BCO1: variants seen among roughly 807,000 people sequenced by gnomAD.
BCO1 encodes the protein beta,beta-carotene 15,15'-dioxygenase.
Under a neutral mutation model 56.3 loss-of-function variants are expected in BCO1, and 54 were observed. That is an observed-to-expected ratio of 0.96 (90% CI 0.77 to 1.20). The LOEUF is 1.20. Among genes scored for constraint, BCO1 ranks in the 50% most tolerant of loss-of-function variants. The pLI is 0.00. For synonymous variants in BCO1, 318 were observed against 266.1 expected (o/e 1.20, Z -1.90); for missense variants, 801 against 690.9 (o/e 1.16, Z -1.79).
chr16:81,270,451 G>A (rs1391163761), intron 7 of BCO1, 35 bp downstream of exon 7: 2 of 1,612,810 alleles, frequency 1.2e-6, no homozygotes, highest in South Asian at 2.2e-5. Flanking sequence ...TTTCTTTCTA[G>A]AGAGATATCG....
intron 1 of BCO1, among the ~76,000 whole-genome samples, chr16:81,241,657 A>T (rs1306378139): frequency 6.6e-6 from 1 of 152,156 alleles, no homozygotes; most frequent in Admixed American, 6.6e-5. Flanking sequence ...CCTCTACATC[A>T]AGCCTCCCTA....
chr16:81,280,759 C>T (rs1907831658), intron 7 of BCO1, 98 bp from the exon 8 acceptor site: 1 of 833,130 alleles, frequency 1.2e-6, no homozygotes, highest in South Asian at 1.4e-5. Context: ...GCCAAGATGA[C>T]ATGTATTCAA....
At chr16:81,272,362 C>T (rs1485255534) in intron 7 of BCO1, among the ~76,000 whole-genome samples, 2 of 152,064 alleles carry the variant, frequency 1.3e-5, no homozygotes, top group Non-Finnish European at 2.9e-5. Context: ...TCATGATCCG[C>T]CCGCCTTGGC....
intron 8 of BCO1, among the ~76,000 whole-genome samples, chr16:81,284,220 A>T (rs1179760886): frequency 7.3e-6 from 1 of 137,706 alleles, no homozygotes. Flanking sequence ...CAAACTATAT[A>T]TATATATATT....
At chr16:81,284,985 C>T (rs910423807) in intron 8 of BCO1, among the ~76,000 whole-genome samples, 13 of 151,610 alleles carry the variant, frequency 8.6e-5, no homozygotes, top group East Asian at 2.0e-4. Context: ...TACAGGCATG[C>T]GGCACCATGC....
At chr16:81,270,692 C>CTGTGTCTGTGTG (rs1907146417) in intron 7 of BCO1, among the ~76,000 whole-genome samples, 2 of 143,788 alleles carry the variant, frequency 1.4e-5, no homozygotes, top group Middle Eastern at 3.4e-3. Context: ...CTCTCTGTGT[C>CTGTGTCTGTGTG]TGTGTGTGTG....
intron 7 of BCO1, among the ~76,000 whole-genome samples, chr16:81,280,346 CA>C: frequency 7.0e-6 from 1 of 142,866 alleles, no homozygotes; most frequent in Non-Finnish European, 1.5e-5. Context: ...CACACACACA[CA>C]CACATTTAGT....
In BCO1 at chr16:81,264,722, G is replaced by T. The variant is rs1248403052; in HGVS notation, c.554G>T (p.Gly185Val). Residue 185 changes from glycine to valine, a missense_variant, in exon 5 of 11, where the codon GGC (glycine) becomes GTC (valine). Transcript: ENST00000258168. ...GAGGCTGGAAATGTTCTAAACATGGGCACATCCATTGTGGAAAAGGGGAAG... is the reference window on the plus strand; with the variant it reads ...GAGGCTGGAAATGTTCTAAACATGGTCACATCCATTGTGGAAAAGGGGAAG... ...YDEAGNVLNM[G>V]TSIVEKGKTK... is the part of the protein sequence containing the mutation. 4.3e-6 allele frequency: 7 copies of T among 1,614,176 alleles called. No homozygotes were observed. The highest frequency in any genetic ancestry group is 5.9e-6 in the Non-Finnish European group (7 of 1,180,010).
chr16:81,260,277 C>G (rs1906401993), intron 3 of BCO1, among the ~76,000 whole-genome samples: 1 of 148,716 alleles, frequency 6.7e-6, no homozygotes, highest in Admixed American at 6.7e-5. Flanking sequence ...TCTTTGCACT[C>G]TACAGAAGCT....
At chr16:81,269,776 G>A (rs1323043781) in intron 6 of BCO1, among the ~76,000 whole-genome samples, 1 of 152,166 alleles carries the variant, frequency 6.6e-6, no homozygotes, top group Non-Finnish European at 1.5e-5. Flanking sequence ...CAAGGCTCCA[G>A]TCTTAGATGG....
intron 3 of BCO1, 48 bp downstream of exon 3, chr16:81,259,853 C>T (rs1235059686): frequency 6.2e-7 from 1 of 1,609,976 alleles, no homozygotes; most frequent in East Asian, 2.2e-5. Context: ...TTTTGCTATC[C>T]TTGATGGCTG....
chr16:81,270,180 C>T lies in BCO1; in HGVS notation c.865C>T (p.Gln289Ter). Residue 289 changes from glutamine to a stop codon, truncating the protein, a stop_gained, in exon 7 of 11, where the codon CAA becomes TAA. Transcript: ENST00000258168. LOFTEE classifies it high-confidence loss of function. ...EEKTYIHIID[Q>*]RTRQPVQTKF... ...TCAGACTTATATCCACATCATCGAC[C>T]AAAGGACCAGGCAGCCTGTGCAGAC... The T allele has an allele frequency of 6.2e-7, 1 of 1,614,118 alleles. No individual in the cohort carries two copies. Among genetic ancestry groups the T allele is most frequent in the Non-Finnish European group, 8.5e-7 (1 of 1,180,030 alleles).
intron 7 of BCO1, among the ~76,000 whole-genome samples, chr16:81,275,315 A>G (rs1288313213): frequency 1.3e-5 from 2 of 151,996 alleles, no homozygotes; most frequent in Non-Finnish European, 2.9e-5. Context: ...GAGCCCTGAG[A>G]CCCCCATGTC....
At chr16:81,273,495 C>A (rs1411165335) in intron 7 of BCO1, among the ~76,000 whole-genome samples, 1 of 152,144 alleles carries the variant, frequency 6.6e-6, no homozygotes, top group Admixed American at 6.5e-5. Flanking sequence ...GGCAGGGGAG[C>A]TGGCGTTTGA....
chr16:81,257,276 G>GT (rs1906198263), intron 2 of BCO1, among the ~76,000 whole-genome samples: 1 of 151,916 alleles, frequency 6.6e-6, no homozygotes, highest in African/African-American at 2.4e-5. Flanking sequence ...TTGTTTATTT[G>GT]TTTTTTGAGA....
intron 2 of BCO1, among the ~76,000 whole-genome samples, chr16:81,255,021 G>A (rs1248336662): frequency 1.3e-5 from 2 of 152,136 alleles, no homozygotes; most frequent in East Asian, 1.9e-4. Context: ...GGGCTCAAGC[G>A]ATCCTCCCCT....
chr16:81,254,800 C>T (rs1216635991), intron 2 of BCO1, among the ~76,000 whole-genome samples: 2 of 152,000 alleles, frequency 1.3e-5, no homozygotes, highest in Non-Finnish European at 2.9e-5. Context: ...CTGCTCTGGT[C>T]CTGTTTCTCT....
Position 81,238,952 on chromosome 16 carries a change from C to T in BCO1, c.44C>T (p.Pro15Leu), listed in dbSNP as rs1167537614. 4 of 1,613,992 alleles carry T rather than the reference C, an allele frequency of 2.5e-6. No homozygotes were observed. In the African/African-American group the frequency reaches 4.0e-5, roughly 16 times the overall value. ...FGRNRKEQLEPVRAKVTGKIP... is the reference protein window; with the variant it reads ...FGRNRKEQLELVRAKVTGKIP... ...AGGAATAGGAAAGAACAGCTGGAGC[C>T]TGTGAGGGCCAAAGTGACAGGTGAG... The change falls in exon 1 of 11, where the codon CCT becomes CTT. Residue 15 changes from proline to leucine, a missense_variant. Coordinates refer to ENST00000258168, the MANE Select transcript of BCO1 (RefSeq NM_017429.3).
At chr16:81,259,306 C>T (rs1206231373) in intron 2 of BCO1, among the ~76,000 whole-genome samples, 2 of 151,988 alleles carry the variant, frequency 1.3e-5, no homozygotes, top group African/African-American at 4.8e-5. Flanking sequence ...CTAGCCTGGC[C>T]AACGTGGTGA....
Sources: allele counts gnomAD v4.1 joint callset (sites outside exome capture counted in the v4.1 genomes callset), GRCh38; gene constraint gnomAD v4.1.1; transcripts MANE v1.5; gene names NCBI Gene and HGNC (gene_info 2026-07-23, HGNC 2026-07-21).